C1orf21: variants seen among roughly 807,000 people sequenced by gnomAD.
C1orf21 encodes the protein chromosome 1 open reading frame 21.
In C1orf21, 3 loss-of-function variants were observed where a neutral mutation model predicts 18.7. The observed-to-expected ratio is 0.16, with a 90% CI of 0.07 to 0.42. The LOEUF (loss-of-function observed/expected upper bound fraction) is 0.42. Among genes scored for constraint, C1orf21 ranks in the 10% least tolerant of loss-of-function variants. The pLI is 0.99. For missense variants in C1orf21, 104 were observed against 143.6 expected, an observed-to-expected ratio of 0.72 and a Z score of 1.41; for synonymous variants, 41 against 46.4, an observed-to-expected ratio of 0.88 and a Z score of 0.47.
At chr1:184,504,333 G>T (rs1658020882) in intron 2 of C1orf21, among the ~76,000 whole-genome samples, 1 of 115,072 alleles carries the variant, frequency 8.7e-6, no homozygotes, top group South Asian at 2.5e-4. Flanking sequence ...CCTCGAGTTG[G>T]CACGTTTTTC....
intron 4 of C1orf21, among the ~76,000 whole-genome samples, chr1:184,593,184 T>C (rs1182198957): frequency 6.6e-6 from 1 of 152,124 alleles, no homozygotes; most frequent in African/African-American, 2.4e-5. Context: ...TTACTTAACA[T>C]TGACACCCTG....
chr1:184,573,866 A>C (rs1659148095), intron 3 of C1orf21, among the ~76,000 whole-genome samples: 1 of 152,142 alleles, frequency 6.6e-6, no homozygotes, highest in Admixed American at 6.5e-5. Flanking sequence ...AAATAAAATA[A>C]ATAAAAAATT....
chr1:184,487,769 T>A (rs767981450), intron 2 of C1orf21, among the ~76,000 whole-genome samples: 3 of 152,244 alleles, frequency 2.0e-5, no homozygotes, highest in Admixed American at 6.5e-5. Flanking sequence ...CACTAACATG[T>A]AGTCTTGGCA....
intron 3 of C1orf21, among the ~76,000 whole-genome samples, chr1:184,509,521 T>C (rs1268054617): frequency 1.3e-5 from 2 of 152,146 alleles, no homozygotes; most frequent in Non-Finnish European, 2.9e-5. Context: ...CTAGACTGTT[T>C]TCCAAAATTA....
At chr1:184,521,233 A>G (rs575765291) in intron 3 of C1orf21, among the ~76,000 whole-genome samples, 16 of 152,164 alleles carry the variant, frequency 1.1e-4, no homozygotes, top group East Asian at 1.9e-4. Flanking sequence ...ATTTCTTACA[A>G]TGCTAAACAT....
chr1:184,573,315 T>C (rs1659140693), intron 3 of C1orf21, among the ~76,000 whole-genome samples: 1 of 152,224 alleles, frequency 6.6e-6, no homozygotes, highest in African/African-American at 2.4e-5. Flanking sequence ...CATACCATTC[T>C]GTTTTTAGTA....
intron 3 of C1orf21, among the ~76,000 whole-genome samples, chr1:184,575,399 A>T (rs1162626793): frequency 1.3e-5 from 2 of 152,136 alleles, no homozygotes; most frequent in Non-Finnish European, 1.5e-5. Flanking sequence ...GAAGGGGTAC[A>T]CTGTTAAAAT....
At chr1:184,608,057 A>G (rs992441798) in intron 5 of C1orf21, among the ~76,000 whole-genome samples, 3 of 152,188 alleles carry the variant, frequency 2.0e-5, no homozygotes, top group Non-Finnish European at 2.9e-5. Context: ...AATGATACCA[A>G]ACATACAAAC....
intron 5 of C1orf21, among the ~76,000 whole-genome samples, chr1:184,613,466 G>A (rs1358140944): frequency 6.6e-6 from 1 of 152,134 alleles, no homozygotes; most frequent in Non-Finnish European, 1.5e-5. Flanking sequence ...TAAGTTCCAA[G>A]CTATTCATGT....
intron 1 of C1orf21, among the ~76,000 whole-genome samples, chr1:184,388,727 G>C (rs1210562179): frequency 6.6e-6 from 1 of 152,070 alleles, no homozygotes; most frequent in African/African-American, 2.4e-5. Context: ...CAAGGGGATG[G>C]GTTCAGCTTC....
At chr1:184,471,802 T>C (rs1657500243) in intron 1 of C1orf21, among the ~76,000 whole-genome samples, 1 of 152,166 alleles carries the variant, frequency 6.6e-6, no homozygotes, top group African/African-American at 2.4e-5. Flanking sequence ...CCTTGTATCT[T>C]TGGAGTTAAT....
intron 3 of C1orf21, among the ~76,000 whole-genome samples, chr1:184,561,993 CA>C (rs1327173161): frequency 4.6e-5 from 7 of 151,932 alleles, no homozygotes; most frequent in African/African-American, 1.7e-4. Flanking sequence ...TTTCACCCAC[CA>C]AAAGGCCTTT....
chr1:184,510,170 T>A (rs1173145806), intron 3 of C1orf21, among the ~76,000 whole-genome samples: 1 of 152,248 alleles, frequency 6.6e-6, no homozygotes, highest in Non-Finnish European at 1.5e-5. Context: ...ACTTATTATG[T>A]ATTTATTTAT....
chr1:184,595,673 G>A (rs552930601), intron 4 of C1orf21, among the ~76,000 whole-genome samples: 1 of 152,282 alleles, frequency 6.6e-6, no homozygotes, highest in South Asian at 2.1e-4. Flanking sequence ...TATCTGAGAC[G>A]ATGCACAGGT....
At chr1:184,556,174 G>T (rs1658876962) in intron 3 of C1orf21, among the ~76,000 whole-genome samples, 1 of 152,078 alleles carries the variant, frequency 6.6e-6, no homozygotes, top group African/African-American at 2.4e-5. Context: ...TGGCTTCTTG[G>T]CCAAATAAGC....
In C1orf21 at chr1:184,504,566, G is replaced by A. The variant is rs556770699; in HGVS notation, c.95-3022G>A. ...CGTTCCTGATGGCTGCCTTGCCTTG[G>A]GAATGTGTGGTGCATTTGCTGATGA... is the stretch of plus-strand genomic sequence containing the variant. On this transcript the variant is annotated intron_variant, in intron 2 of 5. Coordinates refer to ENST00000235307, the MANE Select transcript of C1orf21 (RefSeq NM_030806.4). Among the ~76,000 whole-genome samples the A allele has an allele frequency of 9.2e-5, 14 of 152,296 alleles. No individual in the cohort carries two copies. In the South Asian group the frequency reaches 2.7e-3, roughly 29 times the overall value.
chr1:184,535,073 G>T (rs1159207047), intron 3 of C1orf21, among the ~76,000 whole-genome samples: 1 of 150,276 alleles, frequency 6.7e-6, no homozygotes, highest in South Asian at 2.1e-4. Context: ...TTTAAAACAG[G>T]TGTGTGACAT....
intron 1 of C1orf21, among the ~76,000 whole-genome samples, chr1:184,441,889 T>C (rs1480776208): frequency 6.6e-6 from 1 of 152,236 alleles, no homozygotes; most frequent in Non-Finnish European, 1.5e-5. Flanking sequence ...GTATTGATGT[T>C]CGTAGGGCTT....
chr1:184,568,802 C>A (rs1659069338), intron 3 of C1orf21, among the ~76,000 whole-genome samples: 1 of 152,204 alleles, frequency 6.6e-6, no homozygotes, highest in Admixed American at 6.5e-5. Context: ...CATTCTTGTG[C>A]CTCAGCTCCA....
Sources: gnomAD v4.1 joint callset for allele counts (sites outside exome capture counted in the v4.1 genomes callset) on GRCh38, gnomAD v4.1.1 for gene constraint, MANE v1.5 for transcripts, NCBI Gene and HGNC (gene_info 2026-07-23, HGNC 2026-07-21) for gene names.